CLECL1: variants seen among roughly 807,000 people sequenced by gnomAD.
CLECL1 encodes C-type lectin-like domain family 1.
chr12:9,706,706 G>A, the CLECL1 span, among the ~76,000 whole-genome samples: 3 of 152,144 alleles, frequency 2.0e-5, no homozygotes, highest in South Asian at 2.1e-4. Context: ...AGATGAAGCC[G>A]ACTTGATCGT....
intron 3 of CLECL1, among the ~76,000 whole-genome samples, chr12:9,723,360 G>T (rs1866337499): frequency 6.6e-6 from 1 of 152,110 alleles, no homozygotes; most frequent in South Asian, 2.1e-4. Context: ...AGCAAATTTA[G>T]ATGATGATAC....
chr12:9,718,745 C>T (rs1371038510), downstream of CLECL1: 2 of 700,572 alleles, frequency 2.9e-6, no homozygotes, highest in Non-Finnish European at 5.2e-6. Context: ...GAAGAAATGC[C>T]ATTTGAAGGT....
the CLECL1 span, among the ~76,000 whole-genome samples, chr12:9,705,267 T>G: frequency 6.6e-6 from 1 of 152,130 alleles, no homozygotes; most frequent in African/African-American, 2.4e-5. Flanking sequence ...CTTTTTTTTT[T>G]GTAAATTTGT....
At chr12:9,719,214 C>A (rs1866277401), downstream of CLECL1, among the ~76,000 whole-genome samples, 1 of 152,094 alleles carries the variant, frequency 6.6e-6, no homozygotes, top group Non-Finnish European at 1.5e-5. Flanking sequence ...GTGGGAGGAA[C>A]CCTTGAGACC....
intron 3 of CLECL1, among the ~76,000 whole-genome samples, chr12:9,726,284 A>G (rs1022955752): frequency 6.6e-6 from 1 of 152,150 alleles, no homozygotes. Context: ...CACAACAACA[A>G]AAAACATCAA....
upstream of CLECL1, among the ~76,000 whole-genome samples, chr12:9,733,809 T>G (rs1325411758): frequency 1.3e-5 from 2 of 152,200 alleles, no homozygotes; most frequent in African/African-American, 4.8e-5. Context: ...CTTCTAAAAT[T>G]CCACTAAAAT....
intron 1 of CLECL1, among the ~76,000 whole-genome samples, chr12:9,732,343 C>A (rs1237637468): frequency 6.6e-6 from 1 of 152,174 alleles, no homozygotes; most frequent in East Asian, 1.9e-4. Context: ...AGAAAAGACA[C>A]TGGCTATGAA....
chr12:9,729,244 A>G (rs1295481536), intron 2 of CLECL1, among the ~76,000 whole-genome samples: 2 of 152,122 alleles, frequency 1.3e-5, no homozygotes, highest in Non-Finnish European at 2.9e-5. Flanking sequence ...ACACAGAAAC[A>G]CAAGTCATAA....
the CLECL1 span, chr12:9,704,112 T>C: frequency 6.6e-6 from 1 of 152,224 alleles, no homozygotes; most frequent in African/African-American, 2.4e-5. Context: ...ACAAGACATA[T>C]CTTGTATTTT....
downstream of CLECL1, among the ~76,000 whole-genome samples, chr12:9,714,893 TA>T (rs750950249): frequency 1.3e-5 from 2 of 152,336 alleles, no homozygotes; most frequent in South Asian, 2.1e-4. Flanking sequence ...ACATTTAGTT[TA>T]TCATAGAAAG....
At chr12:9,722,933 T>G (rs879926233) in intron 3 of CLECL1, 120 bp from the exon 2 acceptor site, 1 of 654,702 alleles carries the variant, frequency 1.5e-6, no homozygotes, top group Middle Eastern at 4.2e-4. Context: ...GAAAAAAGTA[T>G]GTGCTTTGTT....
chr12:9,724,236 CT>C (rs1866349798), intron 3 of CLECL1, among the ~76,000 whole-genome samples: 1 of 151,250 alleles, frequency 6.6e-6, no homozygotes, highest in Non-Finnish European at 1.5e-5. Context: ...AAAATAAACA[CT>C]TTCACTTTTT....
At chr12:9,725,182 C>G (rs2121054588) in intron 3 of CLECL1, among the ~76,000 whole-genome samples, 1 of 152,224 alleles carries the variant, frequency 6.6e-6, no homozygotes, top group African/African-American at 2.4e-5. Flanking sequence ...GTTTTTCAGG[C>G]TGATGCGCAA....
At chr12:9,729,931 A>T (rs924986242) in intron 1 of CLECL1, among the ~76,000 whole-genome samples, 1 of 152,012 alleles carries the variant, frequency 6.6e-6, no homozygotes, top group African/African-American at 2.4e-5. Context: ...ACTTATGATC[A>T]CTGTCTGTGT....
At chr12:9,733,053 A>G (rs145268017), upstream of CLECL1, 23 of 1,614,176 alleles carry the variant, frequency 1.4e-5, no homozygotes, top group African/African-American at 2.9e-4. Flanking sequence ...AAAGAGAGAG[A>G]AGACCACAAA....
the CLECL1 span, among the ~76,000 whole-genome samples, chr12:9,705,073 A>G: frequency 2.6e-5 from 4 of 152,034 alleles, no homozygotes; most frequent in African/African-American, 9.7e-5. Context: ...GCCAACATCT[A>G]TTATTTTTTG....
At chr12:9,724,094 A>G (rs1313430831) in intron 3 of CLECL1, among the ~76,000 whole-genome samples, 1 of 151,818 alleles carries the variant, frequency 6.6e-6, no homozygotes, top group African/African-American at 2.4e-5. Flanking sequence ...GGCTGAGGCA[A>G]GAGACTTGCT....
At chr12:9,723,693 A>G (rs1866342247) in intron 3 of CLECL1, among the ~76,000 whole-genome samples, 1 of 152,220 alleles carries the variant, frequency 6.6e-6, no homozygotes, top group Non-Finnish European at 1.5e-5. Context: ...ACAGATGCTG[A>G]AAATGAAGAA....
At chr12:9,706,810 T>C in the CLECL1 span, among the ~76,000 whole-genome samples, 9 of 152,162 alleles carry the variant, frequency 5.9e-5, no homozygotes, top group Non-Finnish European at 1.3e-4. Context: ...TGGCCTGAAG[T>C]TGTCTTTTTG....
Sources: allele counts gnomAD v4.1 joint callset (sites outside exome capture counted in the v4.1 genomes callset), GRCh38; gene constraint gnomAD v4.1.1; transcripts MANE v1.5; gene names NCBI Gene and HGNC (gene_info 2026-07-23, HGNC 2026-07-21).